GLCE: variants seen among roughly 807,000 people sequenced by gnomAD.
The protein encoded by GLCE is D-glucuronyl C5-epimerase.
A neutral mutation model predicts 47.9 loss-of-function variants in GLCE; 19 were observed. The observed-to-expected ratio is 0.40, with a 90% confidence interval of 0.28 to 0.58. The LOEUF (loss-of-function observed/expected upper bound fraction) is 0.58. Among genes scored for constraint, GLCE ranks in the 20% least tolerant of loss-of-function variants. GLCE has a pLI of 0.48. For synonymous variants in GLCE, 245 were observed against 263.4 expected, an observed-to-expected ratio of 0.93 and a Z score of 0.68; for missense variants, 556 against 743.3, an observed-to-expected ratio of 0.75 and a Z score of 2.93.
chr15:69,270,828 T>A lies in GLCE; in HGVS notation c.*1584T>A, dbSNP rs1401503281. 2 of 104,212 alleles carry A rather than the reference T, an allele frequency of 1.9e-5. No homozygotes were observed. The highest frequency in any genetic ancestry group is 5.1e-5 in the Non-Finnish European group (2 of 39,410). 6.5% of individuals were successfully genotyped at this position (104,212 alleles called of 1,614,324 possible). On this transcript the variant is annotated 3_prime_UTR_variant, in exon 5 of 5. Coordinates refer to ENST00000261858, the MANE Select transcript of GLCE (RefSeq NM_015554.3). The stretch of plus-strand genomic sequence containing the variant: ...AGTAAGCTTGAACTCCCAATTGATG[T>A]GACCACACTCTTCTTAATTTTGTTC...
At chr15:69,166,646 G>A (rs1259148861) in intron 1 of GLCE, among the ~76,000 whole-genome samples, 3 of 152,180 alleles carry the variant, frequency 2.0e-5, no homozygotes, top group African/African-American at 7.2e-5. Context: ...GAGGCCAGGC[G>A]CGGTGGCTTA....
At chr15:69,239,436 G>C (rs1199401364) in intron 2 of GLCE, among the ~76,000 whole-genome samples, 1 of 152,120 alleles carries the variant, frequency 6.6e-6, no homozygotes, top group Non-Finnish European at 1.5e-5. Context: ...TTTTATATGA[G>C]TGAAAACCCA....
At chr15:69,260,494 A>C (rs1386071413) in intron 3 of GLCE, among the ~76,000 whole-genome samples, 2 of 152,090 alleles carry the variant, frequency 1.3e-5, no homozygotes, top group Non-Finnish European at 2.9e-5. Context: ...TCCTGAGCTC[A>C]GGCAGTCCAC....
intron 2 of GLCE, among the ~76,000 whole-genome samples, chr15:69,238,230 A>G (rs1271711389): frequency 6.6e-6 from 1 of 152,192 alleles, no homozygotes; most frequent in Non-Finnish European, 1.5e-5. Flanking sequence ...TGCACAACCA[A>G]GGGTAAATCT....
At chr15:69,229,672 T>C (rs1176086833) in intron 2 of GLCE, among the ~76,000 whole-genome samples, 9 of 151,146 alleles carry the variant, frequency 6.0e-5, no homozygotes, top group Admixed American at 5.9e-4. Flanking sequence ...GTAGTGGAGA[T>C]AAAATGGAAT....
chr15:69,174,622 A>G (rs1435384347), intron 1 of GLCE, among the ~76,000 whole-genome samples: 7 of 152,172 alleles, frequency 4.6e-5, no homozygotes, highest in Non-Finnish European at 8.8e-5. Context: ...AAAACAAAAC[A>G]AAACAAAACA....
At chr15:69,243,124 C>T (rs1010298526) in intron 2 of GLCE, among the ~76,000 whole-genome samples, 1 of 146,206 alleles carries the variant, frequency 6.8e-6, no homozygotes, top group Non-Finnish European at 1.5e-5. Context: ...AAAAAGAAAA[C>T]TGGAATTGCT....
chr15:69,254,595 A>C (rs1247866575), intron 2 of GLCE, among the ~76,000 whole-genome samples: 1 of 152,184 alleles, frequency 6.6e-6, no homozygotes, highest in Non-Finnish European at 1.5e-5. Flanking sequence ...TTCTGGGTAT[A>C]ATTTGAAGGT....
chr15:69,176,099 A>G (rs889338314), intron 1 of GLCE, among the ~76,000 whole-genome samples: 1 of 151,874 alleles, frequency 6.6e-6, no homozygotes, highest in African/African-American at 2.4e-5. Context: ...ATAATGAAAA[A>G]TTGATAATTC....
At chr15:69,178,664 TA>T in intron 1 of GLCE, among the ~76,000 whole-genome samples, 1 of 152,128 alleles carries the variant, frequency 6.6e-6, no homozygotes, top group Non-Finnish European at 1.5e-5. Context: ...AGCTCAATAA[TA>T]CACAACACTG....
chr15:69,200,302 G>T (rs1227900350), intron 1 of GLCE, among the ~76,000 whole-genome samples: 1 of 152,132 alleles, frequency 6.6e-6, no homozygotes, highest in African/African-American at 2.4e-5. Context: ...AATGGTTCCA[G>T]ATTTAAAATA....
At position 69,271,503 on chromosome 15, in the gene GLCE, G is replaced by T; in HGVS notation, c.*2259G>T. On this transcript the variant is annotated 3_prime_UTR_variant, in exon 5 of 5. Coordinates refer to ENST00000261858, the MANE Select transcript of GLCE (RefSeq NM_015554.3). ...GGAACACTGCCCTGGACTATCCATT[G>T]CATTTTTGCCTCTAAACAACTACAG... is the stretch of plus-strand genomic sequence containing the variant. 1 of 152,718 alleles carries T rather than the reference G, an allele frequency of 6.5e-6. No homozygotes were observed. The allele number at this position is 152,718 out of a possible 1,614,324, so 9.5% of individuals were successfully genotyped here.
intron 2 of GLCE, among the ~76,000 whole-genome samples, chr15:69,219,413 T>C (rs199879415): frequency 1.3e-5 from 2 of 152,138 alleles, no homozygotes; most frequent in East Asian, 3.8e-4. Flanking sequence ...AATAACATCC[T>C]AGGGTAAAGT....
intron 2 of GLCE, among the ~76,000 whole-genome samples, chr15:69,234,198 A>C (rs1017042194): frequency 6.6e-6 from 1 of 151,998 alleles, no homozygotes; most frequent in African/African-American, 2.4e-5. Context: ...GACTGGTCTC[A>C]AACTCCTGAC....
chr15:69,219,430 T>C (rs1047011494), intron 2 of GLCE, among the ~76,000 whole-genome samples: 1 of 152,138 alleles, frequency 6.6e-6, no homozygotes, highest in African/African-American at 2.4e-5. Flanking sequence ...AAGTATGTTG[T>C]AATACTAAGT....
At chr15:69,202,956 A>G (rs1310388268) in intron 1 of GLCE, among the ~76,000 whole-genome samples, 1 of 152,196 alleles carries the variant, frequency 6.6e-6, no homozygotes, top group African/African-American at 2.4e-5. Context: ...AACTTTTGGA[A>G]TAATGGGTGG....
At position 69,268,694 on chromosome 15, in the gene GLCE, A is replaced by G; in HGVS notation, c.1304A>G (p.Lys435Arg). ...ACCCGTAAGTTAGGGGAAGGGTTCA[A>G]GTCTTTAGAGCCAGGATGGTATTCT... ...MVTRKLGEGF[K>R]SLEPGWYSAM... The change falls in exon 5 of 5, where the codon AAG becomes AGG. Residue 435 changes from lysine (K) to arginine (R), a missense_variant. Coordinates refer to ENST00000261858, the MANE Select transcript of GLCE (RefSeq NM_015554.3). 1 of 1,614,214 alleles carries G rather than the reference A, an allele frequency of 6.2e-7. No individual in the cohort carries two copies. Among genetic ancestry groups the G allele is most frequent in the Non-Finnish European group, 8.5e-7 (1 of 1,180,026 alleles).
rs139821212 is a variant in GLCE at position 69,221,678 on chromosome 15, C to T, written c.-14+11272C>T. ...AGGAGTTCAAGACCAGCCCGGCCAT[C>T]ATGACGAAACCCCGTCTCTACTAAA... On this transcript the variant is annotated intron_variant, in intron 2 of 4. Coordinates refer to ENST00000261858, the MANE Select transcript of GLCE (RefSeq NM_015554.3). 4.6e-3 allele frequency among the ~76,000 whole-genome samples: 693 copies of T among 151,982 alleles called. 7 individuals carry two copies. The highest frequency in any genetic ancestry group is 0.015 in the African/African-American group (607 of 41,454).
intron 4 of GLCE, among the ~76,000 whole-genome samples, chr15:69,262,711 A>G (rs767248516): frequency 4.6e-5 from 7 of 152,166 alleles, no homozygotes; most frequent in Non-Finnish European, 8.8e-5. Context: ...AGCTGGAGAT[A>G]AAACTACTTC....
Sources: gnomAD v4.1 joint callset for allele counts (sites outside exome capture counted in the v4.1 genomes callset) on GRCh38, gnomAD v4.1.1 for gene constraint, MANE v1.5 for transcripts, NCBI Gene and HGNC (gene_info 2026-07-23, HGNC 2026-07-21) for gene names.